The following PDE12 variants were observed in gnomAD, a reference collection of about 807,000 sequenced individuals.
PDE12 encodes phosphodiesterase 12.
In PDE12, 26 loss-of-function variants were observed where a neutral mutation model predicts 45.4. The observed-to-expected ratio is 0.57, with a 90% CI of 0.42 to 0.79. The LOEUF is 0.79. Among genes scored for constraint, PDE12 ranks in the 30% least tolerant of loss-of-function variants. The probability of loss-of-function intolerance (pLI) is 0.00; values close to 1 mark genes in which losing one functional copy is unlikely to be tolerated. For synonymous variants in PDE12, 283 were observed against 323.9 expected (o/e 0.87, Z 1.36); for missense variants, 668 against 790.0 (o/e 0.85, Z 1.85).
In PDE12 at chr3:57,557,517, G is replaced by C; in HGVS notation, c.1138G>C (p.Glu380Gln). 6.2e-7 allele frequency: 1 copy of C among 1,614,078 alleles called. No homozygotes were observed. Among genetic ancestry groups the C allele is most frequent in the South Asian group, 1.1e-5 (1 of 91,082 alleles). The part of the protein sequence containing the change: ...LEGVFRIKQH[E>Q]GLATFYRKSK... ...GGGGGTGTTTCGAATCAAGCAGCAC[G>C]AAGGCCTGGCCACTTTCTACCGAAA... The change falls in exon 1 of 3, where the codon GAA becomes CAA. Residue 380 changes from glutamate (E) to glutamine (Q), a missense_variant. This residue lies in a region of PDE12 where 580 missense variants were observed against 662.9 expected (regional missense o/e 0.87). Transcript: ENST00000311180.
chr3:57,601,057 C>T, the PDE12 span: 1 of 152,130 alleles, frequency 6.6e-6, no homozygotes, highest in South Asian at 2.1e-4. Context: ...TAAAGTTGCC[C>T]AGGCTCAAAA....
the PDE12 span, among the ~76,000 whole-genome samples, chr3:57,580,222 C>T: frequency 3.3e-5 from 5 of 151,942 alleles, no homozygotes; most frequent in Admixed American, 1.3e-4. Context: ...GACTATGCCT[C>T]GTCTAAATAA....
the PDE12 span, among the ~76,000 whole-genome samples, chr3:57,607,537 G>C: frequency 3.3e-5 from 5 of 152,074 alleles, no homozygotes; most frequent in African/African-American, 1.2e-4. Context: ...GTGTAGAGAA[G>C]TCCTTAAGTG....
Position 57,564,424 on chromosome 3 carries a change from AATTT to A in PDE12, c.*4423_*4426del, listed in dbSNP as rs1193724706. 1 of 152,206 alleles carries A rather than the reference AATTT, an allele frequency of 6.6e-6. No homozygotes were observed. The highest frequency in any genetic ancestry group is 1.5e-5 in the Non-Finnish European group (1 of 68,046). The allele number at this position is 152,206 out of a possible 1,614,324, so 9.4% of individuals were successfully genotyped here. On this transcript the variant is annotated 3_prime_UTR_variant, in exon 3 of 3. Transcript: ENST00000311180. ...AATTATTCATCTCTATCTTCTGTCCAATTTATGTAATGAATGTATGTCAAAGCAT... is the reference window on the plus strand; with the variant it reads ...AATTATTCATCTCTATCTTCTGTCCAATGTAATGAATGTATGTCAAAGCAT...
At chr3:57,615,546 C>A in the PDE12 span, among the ~76,000 whole-genome samples, 25 of 151,988 alleles carry the variant, frequency 1.6e-4, no homozygotes, top group African/African-American at 5.8e-4. Context: ...ATAGGCCAGG[C>A]GTGAGCCAGC....
chr3:57,636,124 G>A, the PDE12 span, among the ~76,000 whole-genome samples: 1 of 152,182 alleles, frequency 6.6e-6, no homozygotes, highest in African/African-American at 2.4e-5. Context: ...TAGGCTGTTA[G>A]AACTTAAGTT....
chr3:57,582,363 C>A, the PDE12 span, among the ~76,000 whole-genome samples: 2 of 151,974 alleles, frequency 1.3e-5, no homozygotes, highest in Non-Finnish European at 2.9e-5. Flanking sequence ...CTGCCTCAGC[C>A]TCCTGAGTAG....
At chr3:57,600,472 TC>T in the PDE12 span, among the ~76,000 whole-genome samples, 1 of 148,248 alleles carries the variant, frequency 6.7e-6, no homozygotes. Context: ...CCTTCCCTTT[TC>T]CCTCCTCTCC....
At position 57,563,527 on chromosome 3, in the gene PDE12, CAAAT is replaced by C. The variant is rs905117966; in HGVS notation, c.*3527_*3530del. On this transcript the variant is annotated 3_prime_UTR_variant, in exon 3 of 3. Coordinates refer to ENST00000311180, the MANE Select transcript of PDE12 (RefSeq NM_177966.7). Reference sequence around the variant, plus strand: ...GCCCTGAAAATGAATTTTTTAAACACAAATAAAAAATATTTCAGTGTTTTGAGAA... The same window carrying C: ...GCCCTGAAAATGAATTTTTTAAACACAAAAAATATTTCAGTGTTTTGAGAA... 2 of 151,948 alleles carry C rather than the reference CAAAT, an allele frequency of 1.3e-5. No individual in the cohort carries two copies. Among genetic ancestry groups the C allele is most frequent in the African/African-American group, 4.8e-5 (2 of 41,366 alleles). 9.4% of individuals were successfully genotyped at this position (151,948 alleles called of 1,614,324 possible). A position where few individuals can be genotyped will look rare whatever the true frequency, so the allele number is the denominator to read the frequency against.
At chr3:57,602,433 C>G in the PDE12 span, among the ~76,000 whole-genome samples, 1 of 152,220 alleles carries the variant, frequency 6.6e-6, no homozygotes, top group East Asian at 1.9e-4. Flanking sequence ...TGTCCACCCA[C>G]TTTCCCTTCC....
chr3:57,634,235 C>T, the PDE12 span, among the ~76,000 whole-genome samples: 1 of 151,272 alleles, frequency 6.6e-6, no homozygotes, highest in Non-Finnish European at 1.5e-5. Flanking sequence ...GAGTTCGAGA[C>T]CAGCCTGGCC....
the PDE12 span, among the ~76,000 whole-genome samples, chr3:57,588,906 C>T: frequency 6.6e-6 from 1 of 152,130 alleles, no homozygotes; most frequent in Non-Finnish European, 1.5e-5. Context: ...AATTAGAGAC[C>T]AGCCTGACCA....
chr3:57,645,177 C>T, the PDE12 span, among the ~76,000 whole-genome samples: 2 of 151,998 alleles, frequency 1.3e-5, no homozygotes, highest in Admixed American at 6.6e-5. Flanking sequence ...AATAAAATCA[C>T]GTGGGCCGGG....
At position 57,566,814 on chromosome 3, in the gene PDE12, C is replaced by A. The variant is rs909152876; in HGVS notation, c.*6810C>A. On this transcript the variant is annotated 3_prime_UTR_variant, in exon 3 of 3. Transcript: ENST00000311180. ...AAATGTTATTTGTTGTTTAGCCACC[C>A]CTCCTTAAAAAATAAATAATATAAT... The A allele has an allele frequency of 7.2e-5, 11 of 152,010 alleles. No homozygotes were observed. The highest frequency in any genetic ancestry group is 2.7e-4 in the African/African-American group (11 of 41,376). The allele number at this position is 152,010 out of a possible 1,614,324, so 9.4% of individuals were successfully genotyped here.
At chr3:57,623,008 T>G in the PDE12 span, among the ~76,000 whole-genome samples, 1 of 152,216 alleles carries the variant, frequency 6.6e-6, no homozygotes, top group African/African-American at 2.4e-5. Flanking sequence ...TTGGCTGTGA[T>G]GATGGTTTTA....
the PDE12 span, chr3:57,627,960 T>G: frequency 1.1e-5 from 4 of 371,358 alleles, no homozygotes; most frequent in East Asian, 1.0e-4. Context: ...TAAGAGCACT[T>G]TAGAACATGA....
At position 57,557,294 on chromosome 3, in the gene PDE12, C is replaced by CA; in HGVS notation, c.916dup (p.Thr306AsnfsTer6). ...CTGTCTCTTACAACATCCTGGCAGACACGTACGCGCAGACTGAGTTCTCGC... is the reference window on the plus strand; with the variant it reads ...CTGTCTCTTACAACATCCTGGCAGACAACGTACGCGCAGACTGAGTTCTCGC... On this transcript the variant is annotated frameshift_variant, in exon 1 of 3. Coordinates refer to ENST00000311180, the MANE Select transcript of PDE12 (RefSeq NM_177966.7). LOFTEE classifies it high-confidence loss of function. 2 of 1,613,948 alleles carry CA rather than the reference C, an allele frequency of 1.2e-6. No individual in the cohort carries two copies. The highest frequency in any genetic ancestry group is 1.7e-6 in the Non-Finnish European group (2 of 1,180,018).
the PDE12 span, chr3:57,646,189 G>T: frequency 1.5e-6 from 2 of 1,325,938 alleles, no homozygotes; most frequent in Non-Finnish European, 2.0e-6. Flanking sequence ...TAGGGTTTTT[G>T]CATGGATCAA....
At chr3:57,584,149 G>A in the PDE12 span, 364 of 710,672 alleles carry the variant, frequency 5.1e-4, 2 homozygotes, top group Middle Eastern at 1.6e-3. Flanking sequence ...CATCAACAGA[G>A]ACAAGGCCTC....
Sources: gnomAD v4.1 joint callset for allele counts (sites outside exome capture counted in the v4.1 genomes callset) on GRCh38, gnomAD v4.1.1 for gene constraint, gnomAD v4.1.1 regional missense constraint, MANE v1.5 for transcripts, NCBI Gene and HGNC (gene_info 2026-07-23, HGNC 2026-07-21) for gene names.